The following ZNF596 variants were observed in gnomAD, a reference collection of about 807,000 sequenced individuals.
The protein encoded by ZNF596 is zinc finger protein 596.
In ZNF596, 45 loss-of-function variants were observed where a neutral mutation model predicts 48.3. That is an observed-to-expected ratio of 0.93 (90% CI 0.73 to 1.19). ZNF596 has a LOEUF of 1.19. Among genes scored for constraint, ZNF596 ranks in the 50% most tolerant of loss-of-function variants. ZNF596 has a pLI of 0.00. For synonymous variants in ZNF596, 270 were observed against 202.0 expected, an observed-to-expected ratio of 1.34 and a Z score of -2.85; for missense variants, 848 against 599.7, an observed-to-expected ratio of 1.41 and a Z score of -4.32.
rs1797118458 is a variant in ZNF596 at position 247,028 on chromosome 8, TC to T, written c.*668del. 1 of 152,170 alleles carries T rather than the reference TC, an allele frequency of 6.6e-6. No homozygotes were observed. The highest frequency in any genetic ancestry group is 2.4e-5 in the African/African-American group (1 of 41,436). 9.4% of individuals were successfully genotyped at this position (152,170 alleles called of 1,614,324 possible). On this transcript the variant is annotated 3_prime_UTR_variant, in exon 6 of 6. Coordinates refer to ENST00000398612, the MANE Select transcript of ZNF596 (RefSeq NM_001042416.3). ...GGGTAGTCCTCAGTAAATTACTCAT[TC>T]CTTAGTCAATACCAGCATTTTTCCA... is the stretch of plus-strand genomic sequence containing the variant.
chr8:244,354 G>A, intron 4 of ZNF596: 2 of 423,274 alleles, frequency 4.7e-6, no homozygotes, highest in Non-Finnish European at 8.3e-6. Context: ...ACTTATTTGA[G>A]TTAAACTATT....
In ZNF596 at chr8:246,021, G is replaced by T; in HGVS notation, c.1174G>T (p.Glu392Ter). ...AATTCACACTGGAGAGAAACCATATGAGTGCCATGTATGTGGGAAAGCCTT... is the reference window on the plus strand; with the variant it reads ...AATTCACACTGGAGAGAAACCATATTAGTGCCATGTATGTGGGAAAGCCTT... ...ERIHTGEKPY[E>*]CHVCGKAFTE... Residue 392 changes from glutamate (E) to a stop codon, truncating the protein, a stop_gained, in exon 6 of 6, where the codon GAG becomes TAG. Coordinates refer to ENST00000398612, the MANE Select transcript of ZNF596 (RefSeq NM_001042416.3). LOFTEE classifies it high-confidence loss of function. 1 of 1,613,630 alleles carries T rather than the reference G, an allele frequency of 6.2e-7. No individual in the cohort carries two copies. The highest frequency in any genetic ancestry group is 8.5e-7 in the Non-Finnish European group (1 of 1,179,902).
At chr8:236,438 G>A (rs919548555) in intron 1 of ZNF596, among the ~76,000 whole-genome samples, 2 of 152,052 alleles carry the variant, frequency 1.3e-5, no homozygotes, top group African/African-American at 4.8e-5. Context: ...CCCACCTCAG[G>A]CATCATGTGC....
Position 245,157 on chromosome 8 carries a change from T to G in ZNF596, c.310T>G (p.Ser104Ala). The change falls in exon 6 of 6, where the codon TCT becomes GCT. Residue 104 changes from serine (S) to alanine (A), a missense_variant. Ser to Ala is a moderately conservative substitution (Grantham distance 99). Coordinates refer to ENST00000398612, the MANE Select transcript of ZNF596 (RefSeq NM_001042416.3). ...TTCATTTCATTCCCAAAACCAGAGA[T>G]CTCATACTCAAGAGGATCCTTTTCT... Reference protein sequence around the residue: ...KGTSTISTMRSHTQEDPFLCN... With the variant: ...KGTSTISTMRAHTQEDPFLCN... 1.3e-6 allele frequency: 2 copies of G among 1,577,176 alleles called. No individual in the cohort carries two copies. The highest frequency in any genetic ancestry group is 1.7e-6 in the Non-Finnish European group (2 of 1,162,560).
At chr8:238,684 A>G (rs1019452263) in intron 1 of ZNF596, among the ~76,000 whole-genome samples, 4 of 150,856 alleles carry the variant, frequency 2.7e-5, no homozygotes, top group African/African-American at 7.3e-5. Context: ...ACGGGCACCT[A>G]TAATCCCAGC....
In ZNF596 at chr8:244,683, G is replaced by A. The variant is rs138678111; in HGVS notation, c.288G>A (p.Thr96=). ...TTCAACATATCTATCAGAAGGGCAC[G>A]TCCACCATCAGCACAATGGTAAGCT... ...PFIQHIYQKG[T]STISTMRSHT... The change falls in exon 5 of 6, where the codon ACG becomes ACA. Residue 96 remains threonine (T), a synonymous_variant. Transcript: ENST00000398612. 100 of 1,612,976 alleles carry A rather than the reference G, an allele frequency of 6.2e-5. No homozygotes were observed. The highest frequency in any genetic ancestry group is 3.1e-4 in the African/African-American group (23 of 74,812).
intron 1 of ZNF596, among the ~76,000 whole-genome samples, chr8:239,348 C>G (rs1796754436): frequency 6.6e-6 from 1 of 152,084 alleles, no homozygotes; most frequent in Admixed American, 6.6e-5. Context: ...GCCACCATGC[C>G]CAGCTAATTT....
Position 245,571 on chromosome 8 carries a change from G to A in ZNF596, c.724G>A (p.Glu242Lys). 1 of 1,614,076 alleles carries A rather than the reference G, an allele frequency of 6.2e-7. No homozygotes were observed. The highest frequency in any genetic ancestry group is 8.5e-7 in the Non-Finnish European group (1 of 1,180,008). The change falls in exon 6 of 6, where the codon GAG (glutamate) becomes AAG (lysine). Residue 242 changes from glutamate to lysine, a missense_variant. Glu to Lys is a moderately conservative substitution (Grantham distance 56). Transcript: ENST00000398612. ...TCATTGCTCTGATCTTCGAAAACAT[G>A]AGAGAACTCACACTGGAGAGAAGCC... ...FTHCSDLRKH[E>K]RTHTGEKPYG... is the part of the protein sequence containing the mutation.
intron 1 of ZNF596, chr8:233,135 G>A (rs1396806275): frequency 8.5e-6 from 4 of 468,268 alleles, no homozygotes; most frequent in Admixed American, 4.7e-5. Flanking sequence ...ATGGGAAGTG[G>A]ATGGGTCTGA....
intron 5 of ZNF596, 70 bp from the exon 6 acceptor site, chr8:245,084 A>G: frequency 6.7e-7 from 1 of 1,483,654 alleles, no homozygotes; most frequent in Non-Finnish European, 9.0e-7. Flanking sequence ...TAATATGTAG[A>G]GAAATGAATG....
At position 246,049 on chromosome 8, in the gene ZNF596, C is replaced by T; in HGVS notation, c.1202C>T (p.Thr401Ile). 1 of 1,613,654 alleles carries T rather than the reference C, an allele frequency of 6.2e-7. No homozygotes were observed. Among genetic ancestry groups the T allele is most frequent in the Non-Finnish European group, 8.5e-7 (1 of 1,179,922 alleles). Residue 401 changes from threonine (T) to isoleucine (I), a missense_variant, in exon 6 of 6, where the codon ACT becomes ATT. By Grantham distance (89) the Thr-to-Ile change is moderately conservative. Transcript: ENST00000398612. ...YECHVCGKAF[T>I]ESSDLRRHER... ...TGCCATGTATGTGGGAAAGCCTTCACTGAATCTTCTGACCTCAGACGACAT... is the reference window on the plus strand; with the variant it reads ...TGCCATGTATGTGGGAAAGCCTTCATTGAATCTTCTGACCTCAGACGACAT...
In ZNF596 at chr8:245,524, A is replaced by T. The variant is rs117000175; in HGVS notation, c.677A>T (p.His226Leu). ...ACTGGAGAGAAACCACACGGATGTC[A>T]TCTATGTGGGAAAGCCTTTACTCAT... ...IHTGEKPHGC[H>L]LCGKAFTHCS... The change falls in exon 6 of 6, where the codon CAT becomes CTT. Residue 226 changes from histidine (H) to leucine (L), a missense_variant. Coordinates refer to ENST00000398612, the MANE Select transcript of ZNF596 (RefSeq NM_001042416.3). 1,210 of 1,614,166 alleles carry T rather than the reference A, an allele frequency of 7.5e-4. 5 individuals are homozygous for T. The Middle Eastern group carries it at 0.011, about 15-fold the overall frequency.
At chr8:243,510 C>A in intron 3 of ZNF596, 1 of 433,640 alleles carries the variant, frequency 2.3e-6, no homozygotes, top group Non-Finnish European at 4.2e-6. Flanking sequence ...GAGGCATGGC[C>A]ATCAGCAATT....
chr8:242,666 C>T (rs1467024643), intron 2 of ZNF596, among the ~76,000 whole-genome samples: 3 of 152,200 alleles, frequency 2.0e-5, no homozygotes, highest in Non-Finnish European at 4.4e-5. Flanking sequence ...TATTATGCCA[C>T]ACCACATGTG....
At chr8:240,121 A>G (rs1227335092) in intron 1 of ZNF596, among the ~76,000 whole-genome samples, 1 of 152,200 alleles carries the variant, frequency 6.6e-6, no homozygotes, top group Non-Finnish European at 1.5e-5. Context: ...ACAACTAACA[A>G]TGTCACATAC....
chr8:244,709 T>G lies in ZNF596; in HGVS notation c.306+8T>G, dbSNP rs768490459. The G allele has an allele frequency of 6.2e-7, 1 of 1,606,736 alleles. No individual in the cohort carries two copies. The highest frequency in any genetic ancestry group is 1.1e-5 in the South Asian group (1 of 90,112). On this transcript the variant is annotated splice_region_variant and intron_variant, in intron 5 of 5. Coordinates refer to ENST00000398612, the MANE Select transcript of ZNF596 (RefSeq NM_001042416.3). Reference sequence around the variant, plus strand: ...TCCACCATCAGCACAATGGTAAGCTTTATGGATGCAAACCCTGTTCTTACA... The same window carrying G: ...TCCACCATCAGCACAATGGTAAGCTGTATGGATGCAAACCCTGTTCTTACA...
At chr8:243,054 C>T in intron 3 of ZNF596, 41 bp downstream of exon 3, 1 of 1,540,456 alleles carries the variant, frequency 6.5e-7, no homozygotes, top group Non-Finnish European at 8.8e-7. Flanking sequence ...TATACGGATT[C>T]ATTCACTCAC....
intron 1 of ZNF596, chr8:237,545 C>G (rs757142192): frequency 6.6e-6 from 1 of 151,936 alleles, no homozygotes; most frequent in Non-Finnish European, 1.5e-5. Context: ...TTACTGGTGA[C>G]GTATACCCAC....
At position 245,450 on chromosome 8, in the gene ZNF596, G is replaced by A. The variant is rs779366968; in HGVS notation, c.603G>A (p.Gly201=). ...REITLECRVC[G]KTFSKNSNLR... is the part of the protein sequence containing the mutation. ...TAACATTGGAATGTCGTGTGTGTGG[G>A]AAAACCTTTAGCAAAAATTCTAATC... is the stretch of plus-strand genomic sequence containing the variant. The change falls in exon 6 of 6, where the codon GGG becomes GGA. Residue 201 remains glycine, a synonymous_variant. Transcript: ENST00000398612. The A allele has an allele frequency of 3.1e-6, 5 of 1,614,070 alleles. No individual in the cohort carries two copies. The East Asian group carries it at 8.9e-5, about 29-fold the overall frequency.
Sources: allele counts gnomAD v4.1 joint callset (sites outside exome capture counted in the v4.1 genomes callset), GRCh38; gene constraint gnomAD v4.1.1; transcripts MANE v1.5; gene names NCBI Gene and HGNC (gene_info 2026-07-23, HGNC 2026-07-21).